Variants in CXCL3 observed in about 807,000 individuals in gnomAD.
CXCL3 encodes C-X-C motif chemokine 3.
A neutral mutation model predicts 11.5 loss-of-function variants in CXCL3; 10 were observed. The observed-to-expected ratio is 0.87, with a 90% confidence interval of 0.54 to 1.48. The LOEUF (loss-of-function observed/expected upper bound fraction) is 1.48, where lower values mean the gene tolerates loss of function less well. Ranked by LOEUF, CXCL3 falls within the 40% of genes most tolerant of loss-of-function variation. The pLI is 0.00. For missense variants in CXCL3, 149 were observed against 139.1 expected, an observed-to-expected ratio of 1.07 and a Z score of -0.36; for synonymous variants, 61 against 60.9, an observed-to-expected ratio of 1.00 and a Z score of -0.01.
chr4:74,037,784 G>A (rs1477364160), intron 3 of CXCL3: 1 of 369,048 alleles, frequency 2.7e-6, no homozygotes, highest in Non-Finnish European at 4.9e-6. Context: ...TAGGGACTGA[G>A]GTAAACGTCC....
At chr4:74,037,810 G>A (rs1720029301) in intron 3 of CXCL3, 3 of 391,752 alleles carry the variant, frequency 7.7e-6, no homozygotes, top group Non-Finnish European at 1.4e-5. Flanking sequence ...CAGGCAGGGG[G>A]CATTTTGGCA....
chr4:74,037,658 A>T (rs1351414913), intron 3 of CXCL3: 3 of 303,526 alleles, frequency 9.9e-6, no homozygotes, highest in Non-Finnish European at 1.9e-5. Flanking sequence ...GTTGACAGGG[A>T]TCCTAGCCTT....
rs771736648 is a variant in CXCL3, at chr4:74,038,318, C to A, written c.196G>T (p.Gly66Ter). 6.2e-7 allele frequency: 1 copy of A among 1,613,952 alleles called. No individual in the cohort carries two copies. The highest frequency in any genetic ancestry group is 8.5e-7 in the Non-Finnish European group (1 of 1,179,988). ...NIQSVNVRSP[G>*]PHCAQTEVIA... The stretch of plus-strand genomic sequence containing the variant: ...ACTTCGGTTTGGGCGCAGTGGGGTC[C>A]GGGGGACCTTACATTCACACTTTGG... Residue 66 changes from glycine to a stop codon, truncating the protein, a stop_gained, in exon 2 of 4, where the codon GGA becomes TGA. Transcript: ENST00000296026. LOFTEE classifies it high-confidence loss of function.
rs960638906 is a variant in CXCL3 at position 74,038,540 on chromosome 4, G to A, written c.72C>T (p.Leu24=). ...RLLRVALLLL[L]LVAASRRAAG... ...CTGCGCGCCGGCTGGCGGCCACCAG[G>A]AGCAGGAGCAGCAGCGCCACCCGCA... Residue 24 remains leucine, a synonymous_variant, in exon 1 of 4, where the codon CTC becomes CTT. Coordinates refer to ENST00000296026, the MANE Select transcript of CXCL3 (RefSeq NM_002090.3). 2.7e-6 allele frequency: 4 copies of A among 1,490,658 alleles called. No individual in the cohort carries two copies. The highest frequency in any genetic ancestry group is 1.9e-4 in the Middle Eastern group (1 of 5,142). 92.3% of individuals were successfully genotyped at this position (1,490,658 alleles called of 1,614,324 possible). A position where few individuals can be genotyped will look rare whatever the true frequency, so the allele number is the denominator to read the frequency against.
At chr4:74,038,477 G>T (rs780606476) in intron 1 of CXCL3, 35 bp downstream of exon 1, 6 of 1,575,808 alleles carry the variant, frequency 3.8e-6, no homozygotes, top group Non-Finnish European at 4.3e-6. Flanking sequence ...CCCCAGCCGC[G>T]TCCGGCCCGG....
At chr4:74,037,752 A>G (rs1720028084) in intron 3 of CXCL3, 2 of 315,898 alleles carry the variant, frequency 6.3e-6, no homozygotes, top group Non-Finnish European at 1.2e-5. Context: ...CAGACATTGC[A>G]TTTTTCAGGT....
Position 74,036,596 on chromosome 4 carries a change from T to TC in CXCL3, c.*665dup, listed in dbSNP as rs374617274. 3 of 152,190 alleles carry TC rather than the reference T, an allele frequency of 2.0e-5. No homozygotes were observed. The highest frequency in any genetic ancestry group is 4.4e-5 in the Non-Finnish European group (3 of 68,036). The allele number at this position is 152,190 out of a possible 1,614,324, so 9.4% of individuals were successfully genotyped here. ...TGAAAAACCACATAAGCCTTTTTTT[T>TC]CATAAAACTTTTATTATCATGTCAT... is the stretch of plus-strand genomic sequence containing the variant. On this transcript the variant is annotated 3_prime_UTR_variant, in exon 4 of 4. Coordinates refer to ENST00000296026, the MANE Select transcript of CXCL3 (RefSeq NM_002090.3).
Position 74,038,418 on chromosome 4 carries a change from G to T in CXCL3, c.101-5C>A, listed in dbSNP as rs201520010. The T allele has an allele frequency of 2.5e-6, 4 of 1,612,550 alleles. No homozygotes were observed. The highest frequency in any genetic ancestry group is 1.7e-4 in the Middle Eastern group (1 of 6,048). Reference sequence around the variant, plus strand: ...GTTCAGTGACCACGGACGCTCCTAGGGAAGAATAGACTCGCTGATTGAGCG... The same window carrying T: ...GTTCAGTGACCACGGACGCTCCTAGTGAAGAATAGACTCGCTGATTGAGCG... On this transcript the variant is annotated splice_polypyrimidine_tract_variant and splice_region_variant and intron_variant, in intron 1 of 3. Coordinates refer to ENST00000296026, the MANE Select transcript of CXCL3 (RefSeq NM_002090.3).
chr4:74,037,443 G>A, intron 3 of CXCL3, 166 bp from the exon 4 acceptor site: 1 of 393,242 alleles, frequency 2.5e-6, no homozygotes, highest in Admixed American at 5.6e-5. Context: ...TTGCACTCCT[G>A]AATGCTTTTT....
In CXCL3 at chr4:74,038,540, G is replaced by C. The variant is rs960638906; in HGVS notation, c.72C>G (p.Leu24=). 3 of 1,490,768 alleles carry C rather than the reference G, an allele frequency of 2.0e-6. No homozygotes were observed. Among genetic ancestry groups the C allele is most frequent in the Admixed American group, 2.4e-5 (1 of 42,218 alleles). The allele number at this position is 1,490,768 out of a possible 1,614,324, so 92.3% of individuals were successfully genotyped here. ...CTGCGCGCCGGCTGGCGGCCACCAG[G>C]AGCAGGAGCAGCAGCGCCACCCGCA... is the stretch of plus-strand genomic sequence containing the variant. ...RLLRVALLLL[L]LVAASRRAAG... is the part of the protein sequence containing the mutation. Residue 24 remains leucine (L), a synonymous_variant, in exon 1 of 4, where the codon CTC becomes CTG. Transcript: ENST00000296026.
intron 3 of CXCL3, 167 bp from the exon 4 acceptor site, chr4:74,037,444 A>T: frequency 1.8e-5 from 7 of 396,232 alleles, no homozygotes; most frequent in African/African-American, 3.5e-5. Context: ...TGCACTCCTG[A>T]ATGCTTTTTT....
intron 3 of CXCL3, chr4:74,037,631 C>A: frequency 3.1e-6 from 1 of 319,928 alleles, no homozygotes; most frequent in Non-Finnish European, 5.8e-6. Context: ...TGCTAAAGCT[C>A]AAAGAGATTA....
chr4:74,036,645 T>C lies in CXCL3; in HGVS notation c.*617A>G, dbSNP rs1412222255. The stretch of plus-strand genomic sequence containing the variant: ...ATTTGTACAAATGTAACAGTAATGA[T>C]AAATTCTCTTTTCCAAGGGAAAGAG... On this transcript the variant is annotated 3_prime_UTR_variant, in exon 4 of 4. Transcript: ENST00000296026. 2 of 152,172 alleles carry C rather than the reference T, an allele frequency of 1.3e-5. No individual in the cohort carries two copies. The highest frequency in any genetic ancestry group is 2.4e-5 in the African/African-American group (1 of 41,432). The allele number at this position is 152,172 out of a possible 1,614,324, so 9.4% of individuals were successfully genotyped here. A position where few individuals can be genotyped will look rare whatever the true frequency, so the allele number is the denominator to read the frequency against.
At chr4:74,037,921 C>A in intron 3 of CXCL3, 172 bp downstream of exon 3, 1 of 688,178 alleles carries the variant, frequency 1.5e-6, no homozygotes, top group Non-Finnish European at 2.4e-6. Context: ...TATCCTCTGG[C>A]ACCAGAGCAG....
chr4:74,038,104 C>T lies in CXCL3; in HGVS notation c.297G>A (p.Lys99=). 2 of 1,614,072 alleles carry T rather than the reference C, an allele frequency of 1.2e-6. No individual in the cohort carries two copies. The highest frequency in any genetic ancestry group is 1.7e-6 in the Non-Finnish European group (2 of 1,179,988). The change falls in exon 3 of 4, where the codon AAG becomes AAA. Residue 99 remains lysine (K), a synonymous_variant. Transcript: ENST00000296026. ...AAATTACAACTCACTTGTTCAGTATCTTTTCGATGATTTTCTGAACCATGG... is the reference window on the plus strand; with the variant it reads ...AAATTACAACTCACTTGTTCAGTATTTTTTCGATGATTTTCTGAACCATGG... ...ASPMVQKIIE[K]ILNKGSTN
chr4:74,038,269 G>A (rs1379259106), intron 2 of CXCL3, 21 bp downstream of exon 2: 2 of 1,613,734 alleles, frequency 1.2e-6, no homozygotes, highest in South Asian at 2.2e-5. Flanking sequence ...GGTGGCAGCG[G>A]AAGCGCGGGG....
Position 74,038,468 on chromosome 4 carries a change from C to A in CXCL3, c.100+44G>T, listed in dbSNP as rs765625566. 2.5e-6 allele frequency: 4 copies of A among 1,581,190 alleles called. No individual in the cohort carries two copies. In the South Asian group the frequency reaches 3.4e-5, roughly 14 times the overall value. On this transcript the variant is annotated intron_variant, in intron 1 of 3. Transcript: ENST00000296026. ...GGGGCTGTCGGCGCGGGGCGCCCAC[C>A]CCAGCCGCGTCCGGCCCGGGGACCC...
At position 74,038,275 on chromosome 4, in the gene CXCL3, C is replaced by T. The variant is rs752940632; in HGVS notation, c.224+15G>A. The T allele has an allele frequency of 1.9e-6, 3 of 1,613,584 alleles. No individual in the cohort carries two copies. Among genetic ancestry groups the T allele is most frequent in the Non-Finnish European group, 2.5e-6 (3 of 1,179,806 alleles). ...GACCCCAGCGGTGGCAGCGGAAGCG[C>T]GGGGCGGGACTTACATGACTTCGGT... On this transcript the variant is annotated intron_variant, in intron 2 of 3. Coordinates refer to ENST00000296026, the MANE Select transcript of CXCL3 (RefSeq NM_002090.3).
In CXCL3 at chr4:74,037,112, C is replaced by A; in HGVS notation, c.*150G>T. ...AAATAAATACATAAATAAGTAGAAC[C>A]CTCGTAAGAAATAGTCAAACACATT... On this transcript the variant is annotated 3_prime_UTR_variant, in exon 4 of 4. Transcript: ENST00000296026. 4.1e-5 allele frequency: 28 copies of A among 679,630 alleles called. No individual in the cohort carries two copies. The highest frequency in any genetic ancestry group is 1.1e-4 in the South Asian group (5 of 46,430). The allele number at this position is 679,630 out of a possible 1,614,324, so 42.1% of individuals were successfully genotyped here.
Sources: gnomAD v4.1 joint callset for allele counts on GRCh38, gnomAD v4.1.1 for gene constraint, MANE v1.5 for transcripts, NCBI Gene and HGNC (gene_info 2026-07-23, HGNC 2026-07-21) for gene names.